Variants in BBS7 observed in about 807,000 individuals in gnomAD.
BBS7 encodes the protein BBSome complex member BBS7.
In BBS7, 50 loss-of-function variants were observed where a neutral mutation model predicts 90.3. The observed-to-expected ratio is 0.55, with a 90% CI of 0.44 to 0.70. The LOEUF (loss-of-function observed/expected upper bound fraction) is 0.70, where lower values mean the gene tolerates loss of function less well. BBS7 is among the 30% of genes least tolerant of loss of function. BBS7 has a pLI of 0.00. For synonymous variants in BBS7, 235 were observed against 287.4 expected, an observed-to-expected ratio of 0.82 and a Z score of 1.85; for missense variants, 729 against 838.9, an observed-to-expected ratio of 0.87 and a Z score of 1.62.
At chr4:121,854,850 T>G in intron 6 of BBS7, 30 bp from the exon 7 acceptor site, 1 of 1,577,080 alleles carries the variant, frequency 6.3e-7, no homozygotes, top group Non-Finnish European at 8.7e-7. Flanking sequence ...ACATATTATA[T>G]TTATCCTACA....
chr4:121,860,912 G>T (rs1340399376), intron 4 of BBS7, among the ~76,000 whole-genome samples: 1 of 152,076 alleles, frequency 6.6e-6, no homozygotes, highest in African/African-American at 2.4e-5. Context: ...TGATTCGGCA[G>T]GTATGAGGTA....
At chr4:121,858,023 C>T (rs1726775505) in intron 5 of BBS7, among the ~76,000 whole-genome samples, 1 of 152,096 alleles carries the variant, frequency 6.6e-6, no homozygotes, top group African/African-American at 2.4e-5. Flanking sequence ...CCAGGCTGGT[C>T]TCAAACTCCT....
chr4:121,845,958 G>A (rs906731824), intron 10 of BBS7, among the ~76,000 whole-genome samples: 5 of 152,030 alleles, frequency 3.3e-5, no homozygotes, highest in African/African-American at 1.2e-4. Context: ...TATCATGGTA[G>A]GCTACAAAAT....
chr4:121,866,642 A>G (rs914861023), intron 2 of BBS7, among the ~76,000 whole-genome samples: 1 of 152,194 alleles, frequency 6.6e-6, no homozygotes, highest in Non-Finnish European at 1.5e-5. Flanking sequence ...ATCCTTCTGC[A>G]TATGAATATT....
At chr4:121,842,847 C>G (rs915580091) in intron 12 of BBS7, among the ~76,000 whole-genome samples, 10 of 152,274 alleles carry the variant, frequency 6.6e-5, no homozygotes, top group African/African-American at 2.4e-4. Context: ...AGCTCTGAGA[C>G]TGCTTATCGG....
intron 14 of BBS7, 33 bp from the exon 15 acceptor site, chr4:121,833,428 T>G: frequency 6.3e-7 from 1 of 1,597,008 alleles, no homozygotes; most frequent in Non-Finnish European, 8.6e-7. Flanking sequence ...CACATTTATG[T>G]GTGGGAATAC....
chr4:121,854,191 GT>G (rs1726476035), intron 7 of BBS7, among the ~76,000 whole-genome samples: 1 of 151,992 alleles, frequency 6.6e-6, no homozygotes, highest in Non-Finnish European at 1.5e-5. Context: ...GTATTTATTT[GT>G]TTTTACTCTG....
At chr4:121,838,343 T>C (rs1230378386) in intron 13 of BBS7, among the ~76,000 whole-genome samples, 1 of 150,718 alleles carries the variant, frequency 6.6e-6, no homozygotes, top group African/African-American at 2.4e-5. Flanking sequence ...GAAACAAATA[T>C]TGTGTAACAG....
At chr4:121,855,733 C>A (rs1394674357) in intron 5 of BBS7, among the ~76,000 whole-genome samples, 172 bp from the exon 6 acceptor site, 1 of 151,772 alleles carries the variant, frequency 6.6e-6, no homozygotes, top group Non-Finnish European at 1.5e-5. Flanking sequence ...TTGCATATAT[C>A]AACTGATTTG....
At chr4:121,844,054 T>A in intron 11 of BBS7, 53 bp from the exon 12 acceptor site, 1 of 1,124,770 alleles carries the variant, frequency 8.9e-7, no homozygotes, top group Non-Finnish European at 1.3e-6. Flanking sequence ...CTAAAAATGT[T>A]CATAAATTAT....
intron 18 of BBS7, 119 bp from the exon 19 acceptor site, chr4:121,826,112 A>T: frequency 1.2e-6 from 1 of 826,196 alleles, no homozygotes; most frequent in East Asian, 2.6e-5. Flanking sequence ...ATGATTTAAC[A>T]TACACAAACC....
chr4:121,849,348 G>C (rs1265205181), intron 8 of BBS7, among the ~76,000 whole-genome samples: 1 of 152,086 alleles, frequency 6.6e-6, no homozygotes, highest in Non-Finnish European at 1.5e-5. Flanking sequence ...CCAGAGGTGC[G>C]CGCCACAACG....
intron 7 of BBS7, among the ~76,000 whole-genome samples, chr4:121,854,278 A>G (rs1726481153): frequency 6.6e-6 from 1 of 152,198 alleles, no homozygotes; most frequent in Admixed American, 6.5e-5. Context: ...GCATCTCACT[A>G]TCTACCTAAT....
At chr4:121,836,490 T>C (rs1725455692) in intron 13 of BBS7, among the ~76,000 whole-genome samples, 1 of 152,202 alleles carries the variant, frequency 6.6e-6, no homozygotes, top group Non-Finnish European at 1.5e-5. Context: ...GCATTTTGTG[T>C]GTTTTATGGA....
At chr4:121,858,846 T>G in intron 5 of BBS7, 146 bp downstream of exon 5, 1 of 765,646 alleles carries the variant, frequency 1.3e-6, no homozygotes, top group Non-Finnish European at 2.0e-6. Context: ...GTTAAAAAAA[T>G]TAATATGTCA....
chr4:121,827,986 A>G, intron 18 of BBS7, 160 bp downstream of exon 18: 2 of 1,467,648 alleles, frequency 1.4e-6, no homozygotes, highest in Non-Finnish European at 1.8e-6. Context: ...ATACAGAAAT[A>G]TTCTGTGCAA....
At chr4:121,856,382 T>G (rs558782466) in intron 5 of BBS7, among the ~76,000 whole-genome samples, 2 of 152,306 alleles carry the variant, frequency 1.3e-5, no homozygotes, top group Middle Eastern at 6.8e-3. Context: ...GTACTTATAC[T>G]CACATGGAAA....
intron 13 of BBS7, among the ~76,000 whole-genome samples, chr4:121,837,802 C>T (rs1173991362): frequency 6.6e-6 from 1 of 151,764 alleles, no homozygotes; most frequent in Non-Finnish European, 1.5e-5. Context: ...TTAGTATATC[C>T]AATTAAAAAA....
At chr4:121,866,322 T>G (rs1440365890) in intron 2 of BBS7, among the ~76,000 whole-genome samples, 1 of 152,106 alleles carries the variant, frequency 6.6e-6, no homozygotes, top group Non-Finnish European at 1.5e-5. Context: ...AGCATTAACA[T>G]TTAGGTCTTT....
Sources: allele counts gnomAD v4.1 joint callset (sites outside exome capture counted in the v4.1 genomes callset), GRCh38; gene constraint gnomAD v4.1.1; transcripts MANE v1.5; gene names NCBI Gene and HGNC (gene_info 2026-07-23, HGNC 2026-07-21).